PHKA2: variants seen among roughly 807,000 people sequenced by gnomAD.
PHKA2 encodes phosphorylase kinase regulatory subunit alpha 2.
A neutral mutation model predicts 102.0 loss-of-function variants in PHKA2; 31 were observed. The ratio of observed to expected loss-of-function variants is 0.30; its 90% CI spans 0.23 to 0.41. PHKA2 has a LOEUF of 0.41. Among genes scored for constraint, PHKA2 ranks in the 10% least tolerant of loss-of-function variants. The pLI is 1.00. For missense variants in PHKA2, 858 were observed against 1,023.1 expected (o/e 0.84, Z 2.20); for synonymous variants, 455 against 416.2 (o/e 1.09, Z -1.13).
At chrX:18,933,113 CAAA>C (rs34515916) in intron 11 of PHKA2, among the ~76,000 whole-genome samples, 1 of 62,844 alleles carries the variant, frequency 1.6e-5, no homozygotes, top group Admixed American at 1.8e-4. Flanking sequence ...GACTCTGTCT[CAAA>C]AAAAAAAAAA....
intron 1 of PHKA2, among the ~76,000 whole-genome samples, chrX:18,962,822 G>C (rs1197864352): frequency 1.8e-5 from 2 of 112,129 alleles, no homozygotes; most frequent in Non-Finnish European, 3.8e-5. Context: ...CAGCCTGGCA[G>C]AGTACATCTG....
At chrX:18,967,813 G>A (rs1250164147) in intron 1 of PHKA2, among the ~76,000 whole-genome samples, 2 of 110,663 alleles carry the variant, frequency 1.8e-5, no homozygotes. Context: ...ATTAAAAGAA[G>A]AAAGAAAAAG....
At chrX:18,895,091 A>T in intron 31 of PHKA2, 47 bp downstream of exon 31, 1 of 1,145,331 alleles carries the variant, frequency 8.7e-7, no homozygotes, top group Non-Finnish European at 1.2e-6. Context: ...TGAAGCCCTT[A>T]TTGTGAACCC....
At position 18,951,210 on chromosome X, in the gene PHKA2, G is replaced by A; in HGVS notation, c.348C>T (p.Tyr116=). 8.3e-7 allele frequency: 1 copy of A among 1,211,588 alleles called. No homozygotes were observed. Among genetic ancestry groups the A allele is most frequent in the Non-Finnish European group, 1.1e-6 (1 of 895,137 alleles). The change falls in exon 4 of 33, where the codon TAC becomes TAT. Residue 116 remains tyrosine, a synonymous_variant. Transcript: ENST00000379942. ...QSTKDSLHAK[Y]NTATCGTVVG... Reference sequence around the variant, plus strand: ...CCACCGTGCCACAGGTGGCGGTGTTGTACTTGGCGTGCAGGCTGTCCTTGG... The same window carrying A: ...CCACCGTGCCACAGGTGGCGGTGTTATACTTGGCGTGCAGGCTGTCCTTGG...
intron 13 of PHKA2, among the ~76,000 whole-genome samples, chrX:18,927,348 C>T (rs190099503): frequency 2.9e-4 from 33 of 112,111 alleles, no homozygotes; most frequent in African/African-American, 8.4e-4. Flanking sequence ...GTACTAGTAC[C>T]GCTGGCCTTT....
intron 5 of PHKA2, 59 bp downstream of exon 5, chrX:18,948,685 G>T: frequency 2.4e-6 from 2 of 817,511 alleles, no homozygotes; most frequent in Non-Finnish European, 1.8e-6. Context: ...AACACTGTAT[G>T]ATTTTTATTC....
Position 18,920,099 on chromosome X carries a change from G to T in PHKA2, c.1896C>A (p.Ser632Arg). 8.4e-7 allele frequency: 1 copy of T among 1,185,093 alleles called. No homozygotes were observed. The highest frequency in any genetic ancestry group is 1.1e-6 in the Non-Finnish European group (1 of 871,270). ...CACTATCAGGACTGAAAGTCCCTTC[G>T]CTGGCATTGTCAAACAACTTCTCAT... ...DCDEKLFDNA[S>R]EGTFSPDSDS... The change falls in exon 18 of 33, where the codon AGC (serine) becomes AGA (arginine). Residue 632 changes from serine to arginine, a missense_variant. Around this residue, in one of 2 missense-constraint regions of PHKA2, gnomAD observed 671 missense variants for 745.2 expected, o/e 0.90. Transcript: ENST00000379942.
At chrX:18,947,536 G>A in intron 5 of PHKA2, among the ~76,000 whole-genome samples, 1 of 112,600 alleles carries the variant, frequency 8.9e-6, no homozygotes, top group Middle Eastern at 4.2e-3. Flanking sequence ...TGCTAATGCT[G>A]CTACCTCTTT....
At chrX:18,943,394 A>G (rs955222651) in intron 7 of PHKA2, among the ~76,000 whole-genome samples, 4 of 112,288 alleles carry the variant, frequency 3.6e-5, no homozygotes, top group African/African-American at 1.3e-4. Flanking sequence ...AAAACCATCT[A>G]TGTGCTCAAA....
intron 1 of PHKA2, among the ~76,000 whole-genome samples, chrX:18,961,529 G>A (rs1406829544): frequency 9.2e-6 from 1 of 108,217 alleles, no homozygotes; most frequent in Non-Finnish European, 1.9e-5. Flanking sequence ...ATGGTGGTGC[G>A]TGCCTGTAAT....
rs756783644 is a variant in PHKA2 at position 18,954,269 on chromosome X, G to A, written c.222C>T (p.Ala74=). ...NADRDEDKAK[A]YELEQNVVKL... is the part of the protein sequence containing the mutation. ...TCACTATTACCTGCTCCAGCTCGTA[G>A]GCCTTGGCCTTGTCCTCATCGCGGT... is the stretch of plus-strand genomic sequence containing the variant. Residue 74 remains alanine (A), a synonymous_variant, in exon 2 of 33, where the codon GCC becomes GCT. Transcript: ENST00000379942. 8.3e-7 allele frequency: 1 copy of A among 1,211,607 alleles called. No individual in the cohort carries two copies. The highest frequency in any genetic ancestry group is 1.1e-6 in the Non-Finnish European group (1 of 895,247).
In PHKA2 at chrX:18,927,835, A is replaced by G. The variant is rs2048237875; in HGVS notation, c.1325-1248T>C. Among the ~76,000 whole-genome samples the G allele has an allele frequency of 2.7e-5, 3 of 110,529 alleles. No individual in the cohort carries two copies. The South Asian group carries it at 1.2e-3, about 43-fold the overall frequency. On this transcript the variant is annotated intron_variant, in intron 13 of 32. Coordinates refer to ENST00000379942, the MANE Select transcript of PHKA2 (RefSeq NM_000292.3). ...TCTAAAGCTTCCAATGACAGGCATG[A>G]CTCCACATTTATCAAAACCCCAGCA...
At chrX:18,929,681 A>T (rs2048281054) in intron 12 of PHKA2, among the ~76,000 whole-genome samples, 1 of 111,477 alleles carries the variant, frequency 9.0e-6, no homozygotes, top group Admixed American at 9.5e-5. Context: ...CTCAGAAAAC[A>T]ACACCCCCAA....
chrX:18,907,125 G>A, intron 22 of PHKA2, 28 bp from the exon 23 acceptor site: 1 of 1,088,533 alleles, frequency 9.2e-7, no homozygotes, highest in Non-Finnish European at 1.3e-6. Context: ...AGGGTGAGAG[G>A]CAGAGCGCGA....
chrX:18,967,090 G>A (rs368001665), intron 1 of PHKA2, among the ~76,000 whole-genome samples: 2 of 111,374 alleles, frequency 1.8e-5, no homozygotes, highest in Non-Finnish European at 3.8e-5. Context: ...CTAGGCTGCC[G>A]ACTGGGTGGT....
chrX:18,948,000 G>A (rs956223878), intron 5 of PHKA2, among the ~76,000 whole-genome samples: 1 of 111,300 alleles, frequency 9.0e-6, no homozygotes, highest in African/African-American at 3.3e-5. Flanking sequence ...GGACTCAGGG[G>A]GAAAGTGTGG....
chrX:18,983,025 A>C (rs2049198634), intron 1 of PHKA2, among the ~76,000 whole-genome samples: 1 of 112,311 alleles, frequency 8.9e-6, no homozygotes, highest in South Asian at 3.7e-4. Context: ...TTAAGAAGGG[A>C]AAATGGTCAG....
intron 1 of PHKA2, among the ~76,000 whole-genome samples, chrX:18,966,406 A>C (rs1313994812): frequency 9.0e-6 from 1 of 110,847 alleles, no homozygotes; most frequent in East Asian, 2.8e-4. Flanking sequence ...GGGGTTCTTT[A>C]ACTGTAAAAG....
In PHKA2 at chrX:18,911,197, G is replaced by C. The variant is rs2047920037; in HGVS notation, c.2138-237C>G. 3.1e-5 allele frequency among the ~76,000 whole-genome samples: 3 copies of C among 96,285 alleles called. No homozygotes were observed. In the Admixed American group the frequency reaches 3.6e-4, roughly 11 times the overall value. The allele number at this position is 96,285 out of a possible 115,157, so 83.6% of individuals were successfully genotyped here. On this transcript the variant is annotated intron_variant, in intron 19 of 32. Coordinates refer to ENST00000379942, the MANE Select transcript of PHKA2 (RefSeq NM_000292.3). ...ATTTTTTTTTTTTTTTTTTGAGACAGAGTTTCCCTCTTGTTGCTCAGGTTG... is the reference window on the plus strand; with the variant it reads ...ATTTTTTTTTTTTTTTTTTGAGACACAGTTTCCCTCTTGTTGCTCAGGTTG...
Sources: allele counts gnomAD v4.1 joint callset (sites outside exome capture counted in the v4.1 genomes callset), GRCh38; gene constraint gnomAD v4.1.1; regional missense constraint gnomAD v4.1.1; transcripts MANE v1.5; gene names NCBI Gene and HGNC (gene_info 2026-07-23, HGNC 2026-07-21).